Variants in MAST4 observed in about 807,000 individuals in gnomAD.
The protein encoded by MAST4 is microtubule associated serine/threonine kinase family member 4.
MAST4 carries 89 observed loss-of-function variants against 162.7 expected under a neutral mutation model. That is an observed-to-expected ratio of 0.55 (90% confidence interval 0.46 to 0.65). The LOEUF (loss-of-function observed/expected upper bound fraction) is 0.65, where lower values mean the gene tolerates loss of function less well. MAST4 is among the 30% of genes least tolerant of loss of function. The probability of loss-of-function intolerance (pLI) is 0.00; values close to 1 mark genes in which losing one functional copy is unlikely to be tolerated. For synonymous variants in MAST4, 1,479 were observed against 1,361.1 expected, an observed-to-expected ratio of 1.09 and a Z score of -1.91; for missense variants, 3,153 against 3,374.0, an observed-to-expected ratio of 0.93 and a Z score of 1.62.
intron 1 of MAST4, among the ~76,000 whole-genome samples, chr5:66,618,291 C>T (rs188995713): frequency 4.6e-5 from 7 of 152,138 alleles, no homozygotes; most frequent in African/African-American, 9.7e-5. Context: ...GGTGAGAAAA[C>T]GGGGGTTTCA....
At position 67,124,676 on chromosome 5, in the gene MAST4, C is replaced by T. The variant is rs370157081; in HGVS notation, c.1745+3574C>T. Among the ~76,000 whole-genome samples, 12 of 152,214 alleles carry T rather than the reference C, an allele frequency of 7.9e-5. No individual in the cohort carries two copies. In the East Asian group the frequency reaches 1.7e-3, roughly 22 times the overall value. The stretch of plus-strand genomic sequence containing the variant: ...TCAAGATATGCATGTCCTGAGGCAG[C>T]GATATCTCAAGCTACTTATAGGATT... On this transcript the variant is annotated intron_variant, in intron 14 of 28. Transcript: ENST00000403625.
rs1561217425 is a variant in MAST4 at position 67,166,732 on chromosome 5, G to C, written c.7553G>C (p.Ser2518Thr). ...GAGGGCCGAACCCACATGACAAAGA[G>C]TGACTCCCTGCCCTCCTTCCGGGTC... ...AGEGRTHMTK[S>T]DSLPSFRVST... The change falls in exon 29 of 29, where the codon AGT becomes ACT. Residue 2518 changes from serine to threonine, a missense_variant. Ser to Thr is a moderately conservative substitution (Grantham distance 58). Transcript: ENST00000403625. The C allele has an allele frequency of 6.3e-7, 1 of 1,590,572 alleles. No homozygotes were observed. The highest frequency in any genetic ancestry group is 1.1e-5 in the South Asian group (1 of 87,336).
intron 15 of MAST4, among the ~76,000 whole-genome samples, chr5:67,131,227 C>T (rs1298857521): frequency 6.6e-6 from 1 of 151,996 alleles, no homozygotes; most frequent in African/African-American, 2.4e-5. Context: ...TTCTACCACA[C>T]CAATATTTTG....
At chr5:66,609,705 G>GTTTTTTTTTTTTT (rs77135146) in intron 1 of MAST4, among the ~76,000 whole-genome samples, 4 of 106,742 alleles carry the variant, frequency 3.7e-5, no homozygotes, top group Non-Finnish European at 8.6e-5. Context: ...TTTTTTTTTT[G>GTTTTTTTTTTTTT]TTTTTTTTTT....
intron 1 of MAST4, among the ~76,000 whole-genome samples, chr5:66,731,264 A>G (rs376323137): frequency 6.8e-6 from 1 of 147,900 alleles, no homozygotes; most frequent in African/African-American, 2.7e-5. Context: ...AGATCAGAAC[A>G]TCTGTTATCT....
At chr5:66,949,602 G>A (rs925113859) in intron 4 of MAST4, among the ~76,000 whole-genome samples, 2 of 152,116 alleles carry the variant, frequency 1.3e-5, no homozygotes, top group African/African-American at 2.4e-5. Flanking sequence ...ATGTCTATTA[G>A]CAGAGTGAGA....
At chr5:67,100,920 G>A (rs530708578) in intron 8 of MAST4, among the ~76,000 whole-genome samples, 32 of 152,324 alleles carry the variant, frequency 2.1e-4, no homozygotes, top group South Asian at 8.3e-4. Context: ...CAACAGCTTC[G>A]TGGAAATAGA....
intron 3 of MAST4, among the ~76,000 whole-genome samples, chr5:66,827,698 C>G (rs2149748156): frequency 6.6e-6 from 1 of 152,280 alleles, no homozygotes; most frequent in South Asian, 2.1e-4. Flanking sequence ...AATGTTTATA[C>G]CTGTCTTCCT....
intron 1 of MAST4, among the ~76,000 whole-genome samples, chr5:66,673,526 TTTTG>T (rs1349713589): frequency 6.6e-5 from 8 of 120,652 alleles, no homozygotes; most frequent in South Asian, 2.4e-4. Flanking sequence ...GTTTTTTGTT[TTTTG>T]TTTTTTTTTT....
chr5:66,607,048 A>G (rs1468003307), intron 1 of MAST4, among the ~76,000 whole-genome samples: 1 of 152,116 alleles, frequency 6.6e-6, no homozygotes, highest in Non-Finnish European at 1.5e-5. Flanking sequence ...GGTCTACACT[A>G]CCATGTTACA....
chr5:66,645,293 T>C (rs1466561918), intron 1 of MAST4, among the ~76,000 whole-genome samples: 1 of 152,200 alleles, frequency 6.6e-6, no homozygotes, highest in African/African-American at 2.4e-5. Flanking sequence ...TGTTACTCTG[T>C]CTGTTGTTTG....
rs566392027 is a variant in MAST4 at position 66,836,055 on chromosome 5, C to G, written c.642+47261C>G. 6.6e-5 allele frequency among the ~76,000 whole-genome samples: 10 copies of G among 152,138 alleles called. 1 individual carries two copies. The South Asian group carries it at 1.9e-3, about 28-fold the overall frequency. ...ATGTGGTGGTGTGCACCTGTAGTCC[C>G]AAGTACCTGGGAGACTGACGCCAGA... On this transcript the variant is annotated intron_variant, in intron 3 of 28. Coordinates refer to ENST00000403625, the MANE Select transcript of MAST4 (RefSeq NM_001164664.2).
At chr5:67,131,428 G>A (rs1768952490) in intron 15 of MAST4, among the ~76,000 whole-genome samples, 1 of 152,088 alleles carries the variant, frequency 6.6e-6, no homozygotes, top group African/African-American at 2.4e-5. Flanking sequence ...ACCAAGAGTC[G>A]TTTGCCTAGG....
At chr5:66,925,481 G>A (rs1764830315) in intron 4 of MAST4, among the ~76,000 whole-genome samples, 1 of 152,018 alleles carries the variant, frequency 6.6e-6, no homozygotes, top group African/African-American at 2.4e-5. Flanking sequence ...ATTCATTTAG[G>A]GAATATAACA....
chr5:67,051,143 C>G (rs946373315), intron 4 of MAST4, among the ~76,000 whole-genome samples: 1 of 151,420 alleles, frequency 6.6e-6, no homozygotes, highest in Admixed American at 6.6e-5. Context: ...CATGTTTAAT[C>G]TGGTCGGACA....
chr5:67,090,311 CTCCCCACTTCTTCCCG>C (rs1451335157), intron 6 of MAST4, 80 bp downstream of exon 6: 4 of 901,470 alleles, frequency 4.4e-6, no homozygotes, highest in East Asian at 6.5e-5. Context: ...ACTTCTCCCC[CTCCCCACTTCTTCCCG>C]TCCCCACTTC....
intron 4 of MAST4, among the ~76,000 whole-genome samples, chr5:66,986,071 T>G (rs1749454833): frequency 6.6e-6 from 1 of 152,168 alleles, no homozygotes; most frequent in African/African-American, 2.4e-5. Context: ...CAAAAACAGC[T>G]GTAATATAAT....
At chr5:66,599,469 C>T (rs1248961100) in intron 1 of MAST4, among the ~76,000 whole-genome samples, 3 of 152,170 alleles carry the variant, frequency 2.0e-5, no homozygotes, top group Non-Finnish European at 4.4e-5. Flanking sequence ...AGCTTTCCTA[C>T]CTTTAATGGG....
At chr5:66,809,349 T>A (rs996222010) in intron 3 of MAST4, among the ~76,000 whole-genome samples, 101 of 152,224 alleles carry the variant, frequency 6.6e-4, no homozygotes, top group Non-Finnish European at 1.3e-4. Context: ...GTCACCCATG[T>A]CACCATTACA....
Sources: gnomAD v4.1 joint callset for allele counts (sites outside exome capture counted in the v4.1 genomes callset) on GRCh38, gnomAD v4.1.1 for gene constraint, MANE v1.5 for transcripts, NCBI Gene and HGNC (gene_info 2026-07-23, HGNC 2026-07-21) for gene names.